The following PARL variants were observed in gnomAD, a reference collection of about 807,000 sequenced individuals.
PARL encodes the protein presenilin-associated rhomboid-like protein, mitochondrial.
PARL carries 44 observed loss-of-function variants against 51.6 expected under a neutral mutation model. The ratio of observed to expected loss-of-function variants is 0.85; its 90% confidence interval spans 0.67 to 1.10. The LOEUF is 1.10. Ranked by LOEUF, PARL falls within the 50% of genes least tolerant of loss-of-function variation. The pLI, the probability that PARL is intolerant of heterozygous loss-of-function variation, is 0.00. For missense variants in PARL, 441 were observed against 469.5 expected, an observed-to-expected ratio of 0.94 and a Z score of 0.56; for synonymous variants, 172 against 164.0, an observed-to-expected ratio of 1.05 and a Z score of -0.37.
At chr3:183,840,428 C>A in intron 7 of PARL, 142 bp downstream of exon 7, 1 of 544,048 alleles carries the variant, frequency 1.8e-6, no homozygotes, top group South Asian at 2.9e-5. Flanking sequence ...ATGTTAATTT[C>A]TTGGTTTCGA....
intron 4 of PARL, among the ~76,000 whole-genome samples, chr3:183,849,963 T>C (rs1354545474): frequency 7.2e-5 from 11 of 152,160 alleles, no homozygotes; most frequent in African/African-American, 2.7e-4. Context: ...CCTAGAAAGA[T>C]ACAAACTACT....
At chr3:183,868,891 T>C (rs1014546842) in intron 1 of PARL, among the ~76,000 whole-genome samples, 6 of 152,220 alleles carry the variant, frequency 3.9e-5, no homozygotes, top group Admixed American at 2.6e-4. Context: ...TTTCACTGTT[T>C]TGGGGACATC....
At chr3:183,878,388 T>G (rs1734084138) in intron 1 of PARL, among the ~76,000 whole-genome samples, 1 of 152,178 alleles carries the variant, frequency 6.6e-6, no homozygotes, top group Non-Finnish European at 1.5e-5. Context: ...GGAAGTTGAC[T>G]CCAGCTTTGG....
In PARL at chr3:183,829,594, A is replaced by G; in HGVS notation, c.*4T>C. 6.2e-7 allele frequency: 1 copy of G among 1,614,172 alleles called. No homozygotes were observed. Among genetic ancestry groups the G allele is most frequent in the Non-Finnish European group, 8.5e-7 (1 of 1,180,030 alleles). On this transcript the variant is annotated 3_prime_UTR_variant, in exon 10 of 10. Coordinates refer to ENST00000317096, the MANE Select transcript of PARL (RefSeq NM_018622.7). Reference sequence around the variant, plus strand: ...AGATGCACCACTACTGTCCAATCCCAGTTTTACTTAGAGCCACCTCCTTTT... The same window carrying G: ...AGATGCACCACTACTGTCCAATCCCGGTTTTACTTAGAGCCACCTCCTTTT...
intron 1 of PARL, among the ~76,000 whole-genome samples, chr3:183,881,702 G>C (rs1406665860): frequency 6.6e-6 from 1 of 152,136 alleles, no homozygotes; most frequent in African/African-American, 2.4e-5. Flanking sequence ...AGGCTGCAGT[G>C]AGCTATGATA....
chr3:183,844,880 T>C (rs1224927074), intron 4 of PARL: 2 of 152,892 alleles, frequency 1.3e-5, no homozygotes, highest in Non-Finnish European at 2.9e-5. Flanking sequence ...TTCTAAAGTC[T>C]GTTTACATGT....
At chr3:183,869,656 T>C (rs1197567675) in intron 1 of PARL, among the ~76,000 whole-genome samples, 3 of 152,152 alleles carry the variant, frequency 2.0e-5, no homozygotes, top group African/African-American at 7.2e-5. Context: ...TTATCCCTTC[T>C]ACTAGCCTCA....
chr3:183,872,221 C>A (rs1314517574), intron 1 of PARL, among the ~76,000 whole-genome samples: 1 of 152,052 alleles, frequency 6.6e-6, no homozygotes, highest in Non-Finnish European at 1.5e-5. Context: ...AGGCTGGTCG[C>A]GAACTCCTGA....
At chr3:183,863,731 G>A (rs1056319706) in intron 3 of PARL, among the ~76,000 whole-genome samples, 23 of 151,906 alleles carry the variant, frequency 1.5e-4, no homozygotes, top group Middle Eastern at 3.2e-3. Flanking sequence ...GAGCCGCCCC[G>A]GCCGATTCCA....
chr3:183,842,244 CA>C, intron 6 of PARL, 53 bp downstream of exon 6: 2 of 1,526,188 alleles, frequency 1.3e-6, no homozygotes, highest in Non-Finnish European at 1.8e-6. Context: ...GTCCGTTCTG[CA>C]GATAGCTTAG....
chr3:183,842,530 C>A, intron 5 of PARL, 83 bp from the exon 6 acceptor site: 1 of 1,353,950 alleles, frequency 7.4e-7, no homozygotes, highest in Non-Finnish European at 1.0e-6. Flanking sequence ...TAAAATTAGG[C>A]CGGACGCAGT....
At position 183,876,610 on chromosome 3, in the gene PARL, TA is replaced by T. The variant is rs576376716; in HGVS notation, c.125+8111del. On this transcript the variant is annotated intron_variant, in intron 1 of 9. Coordinates refer to ENST00000317096, the MANE Select transcript of PARL (RefSeq NM_018622.7). ...TTATTCCCCTAAGAAATACATTTTG[TA>T]AAAAAAAAAAAAAAAAAAAAAAAAA... Among the ~76,000 whole-genome samples the T allele has an allele frequency of 7.2e-3, 660 of 91,564 alleles. 4 individuals are homozygous for T. Among genetic ancestry groups the T allele is most frequent in the African/African-American group, 0.015 (325 of 21,232 alleles). 60.1% of individuals were successfully genotyped at this position (91,564 alleles called of 152,430 possible). A position where few individuals can be genotyped will look rare whatever the true frequency, so the allele number is the denominator to read the frequency against.
At chr3:183,833,427 G>T in intron 9 of PARL, 65 bp downstream of exon 9, 2 of 963,134 alleles carry the variant, frequency 2.1e-6, no homozygotes, top group South Asian at 1.3e-5. Context: ...GTAGGGGTGA[G>T]GCTGGGGTAG....
At chr3:183,855,398 C>T (rs1259048578) in intron 4 of PARL, among the ~76,000 whole-genome samples, 4 of 152,130 alleles carry the variant, frequency 2.6e-5, no homozygotes, top group African/African-American at 7.2e-5. Flanking sequence ...AGTGCCAGGC[C>T]TCCCAAGTGG....
At position 183,882,159 on chromosome 3, in the gene PARL, G is replaced by A. The variant is rs1050535449; in HGVS notation, c.125+2563C>T. Among the ~76,000 whole-genome samples, 6 of 143,794 alleles carry A rather than the reference G, an allele frequency of 4.2e-5. No individual in the cohort carries two copies. The East Asian group carries it at 8.4e-4, about 20-fold the overall frequency. 94.3% of individuals were successfully genotyped at this position (143,794 alleles called of 152,430 possible). On this transcript the variant is annotated intron_variant, in intron 1 of 9. Transcript: ENST00000317096. Reference sequence around the variant, plus strand: ...GCGGAAGTTGCAGTGAGCTGAGATCGTGCCACTGCACTCCAGCCTGGGAAA... The same window carrying A: ...GCGGAAGTTGCAGTGAGCTGAGATCATGCCACTGCACTCCAGCCTGGGAAA...
At chr3:183,872,121 C>A (rs1190474507) in intron 1 of PARL, among the ~76,000 whole-genome samples, 1 of 151,998 alleles carries the variant, frequency 6.6e-6, no homozygotes, top group Non-Finnish European at 1.5e-5. Flanking sequence ...CCTGTCTCAG[C>A]CTCCCAAGTA....
chr3:183,828,689 C>T (rs541293025), downstream of PARL, among the ~76,000 whole-genome samples: 2 of 152,314 alleles, frequency 1.3e-5, no homozygotes, highest in South Asian at 2.1e-4. Flanking sequence ...CCATCCCCCA[C>T]GGCACACAAC....
chr3:183,842,143 A>G (rs954799770), intron 6 of PARL, among the ~76,000 whole-genome samples, 155 bp downstream of exon 6: 7 of 152,208 alleles, frequency 4.6e-5, no homozygotes, highest in African/African-American at 1.7e-4. Context: ...ATCTCCACCA[A>G]TCTGTGGCTC....
At chr3:183,849,231 T>C (rs966594533) in intron 4 of PARL, among the ~76,000 whole-genome samples, 1 of 152,158 alleles carries the variant, frequency 6.6e-6, no homozygotes, top group Non-Finnish European at 1.5e-5. Flanking sequence ...AAACAGAATA[T>C]ACATTCTTCT....
Sources: allele counts gnomAD v4.1 joint callset (sites outside exome capture counted in the v4.1 genomes callset), GRCh38; gene constraint gnomAD v4.1.1; transcripts MANE v1.5; gene names NCBI Gene and HGNC (gene_info 2026-07-23, HGNC 2026-07-21).